The following TOX variants were observed in gnomAD, a reference collection of about 807,000 sequenced individuals.
TOX encodes thymocyte selection-associated high mobility group box protein TOX.
In TOX, 11 loss-of-function variants were observed where a neutral mutation model predicts 53.7. The observed-to-expected ratio is 0.20, with a 90% CI of 0.13 to 0.34. The LOEUF (loss-of-function observed/expected upper bound fraction) is 0.34, where lower values mean the gene tolerates loss of function less well. Ranked by LOEUF, TOX falls within the 10% of genes least tolerant of loss-of-function variation. TOX has a pLI of 1.00. For synonymous variants in TOX, 225 were observed against 245.3 expected (o/e 0.92, Z 0.77); for missense variants, 570 against 664.6 (o/e 0.86, Z 1.56).
intron 3 of TOX, among the ~76,000 whole-genome samples, chr8:58,894,985 T>C (rs1416415886): frequency 2.6e-5 from 4 of 151,826 alleles, no homozygotes; most frequent in Non-Finnish European, 4.4e-5. Flanking sequence ...GTCAGGAGTT[T>C]GAGACCAGCC....
At chr8:58,821,218 T>G (rs1810269677) in intron 6 of TOX, among the ~76,000 whole-genome samples, 1 of 152,134 alleles carries the variant, frequency 6.6e-6, no homozygotes, top group East Asian at 1.9e-4. Flanking sequence ...AAAATTTCCT[T>G]ATATCAAAGT....
chr8:59,030,364 C>T lies in TOX; in HGVS notation c.103-70356G>A, dbSNP rs540931325. Among the ~76,000 whole-genome samples the T allele has an allele frequency of 6.6e-5, 10 of 152,288 alleles. 1 individual carries two copies. The highest frequency in any genetic ancestry group is 1.3e-4 in the Admixed American group (2 of 15,284). ...GTTTGTTAATGTTACTTCTCTTAAGCGCACTGCACAGTTGCTGCTAAAGTA... is the reference window on the plus strand; with the variant it reads ...GTTTGTTAATGTTACTTCTCTTAAGTGCACTGCACAGTTGCTGCTAAAGTA... On this transcript the variant is annotated intron_variant, in intron 1 of 8. Transcript: ENST00000361421.
At chr8:59,079,072 T>C (rs534369374) in intron 1 of TOX, among the ~76,000 whole-genome samples, 1 of 152,242 alleles carries the variant, frequency 6.6e-6, no homozygotes, top group East Asian at 1.9e-4. Context: ...AGCAAAGTGT[T>C]TAAGAGGAAG....
At chr8:59,092,889 G>T (rs1056746402) in intron 1 of TOX, among the ~76,000 whole-genome samples, 1 of 152,186 alleles carries the variant, frequency 6.6e-6, no homozygotes, top group Non-Finnish European at 1.5e-5. Flanking sequence ...GCCTAGAACA[G>T]AGTAAGTGCC....
At chr8:58,937,798 TCTC>T (rs1812371331) in intron 3 of TOX, among the ~76,000 whole-genome samples, 2 of 152,060 alleles carry the variant, frequency 1.3e-5, no homozygotes, top group East Asian at 1.9e-4. Flanking sequence ...GCCCCCTTCT[TCTC>T]CTCTCTAGGG....
rs192429717 is a variant in TOX at position 59,071,935 on chromosome 8, C to T, written c.102+46951G>A. ...TTTTCCCTTTGAGCAGAATGCTACA[C>T]AATATTCTCATAATTTTATCAATTT... On this transcript the variant is annotated intron_variant, in intron 1 of 8. Transcript: ENST00000361421. Among the ~76,000 whole-genome samples, 720 of 152,214 alleles carry T rather than the reference C, an allele frequency of 4.7e-3. 2 individuals are homozygous for T. The highest frequency in any genetic ancestry group is 0.016 in the African/African-American group (666 of 41,530).
chr8:58,870,255 C>G (rs1811175512), intron 3 of TOX, among the ~76,000 whole-genome samples: 1 of 151,864 alleles, frequency 6.6e-6, no homozygotes, highest in Admixed American at 6.6e-5. Context: ...TCCTGTATAC[C>G]AGGAGTGAAA....
intron 2 of TOX, among the ~76,000 whole-genome samples, chr8:58,957,722 A>G (rs1408347804): frequency 1.3e-5 from 2 of 152,256 alleles, no homozygotes; most frequent in Admixed American, 6.5e-5. Flanking sequence ...AACAGGAATT[A>G]TAATTGTTGA....
At chr8:58,955,358 G>A (rs1030344051) in intron 2 of TOX, among the ~76,000 whole-genome samples, 2 of 151,818 alleles carry the variant, frequency 1.3e-5, no homozygotes, top group South Asian at 2.1e-4. Context: ...AACCGTTCAC[G>A]GAAAGAAGAA....
chr8:58,960,720 G>A (rs534276034), intron 1 of TOX, among the ~76,000 whole-genome samples: 3 of 152,128 alleles, frequency 2.0e-5, no homozygotes, highest in Non-Finnish European at 2.9e-5. Context: ...ATTCGCAGGG[G>A]CAGCACAATT....
At chr8:58,942,521 T>C (rs1428397079) in intron 2 of TOX, among the ~76,000 whole-genome samples, 5 of 152,308 alleles carry the variant, frequency 3.3e-5, no homozygotes, top group African/African-American at 1.2e-4. Flanking sequence ...TATTACAGTG[T>C]AATTGATGCC....
intron 4 of TOX, among the ~76,000 whole-genome samples, chr8:58,838,699 C>CTTTT (rs35347981): frequency 0.047 from 4,205 of 88,720 alleles, 809 homozygotes; most frequent in African/African-American, 0.18. Flanking sequence ...TTATCCTTGT[C>CTTTT]TTTTTTTTTT....
At chr8:59,097,300 G>T (rs185189437) in intron 1 of TOX, among the ~76,000 whole-genome samples, 1 of 152,198 alleles carries the variant, frequency 6.6e-6, no homozygotes, top group Admixed American at 6.5e-5. Flanking sequence ...AGTTTCAGAA[G>T]TGTTGGAGTT....
intron 1 of TOX, among the ~76,000 whole-genome samples, chr8:59,105,542 A>T (rs1221716241): frequency 2.0e-5 from 3 of 152,148 alleles, no homozygotes; most frequent in Non-Finnish European, 4.4e-5. Context: ...GATCATCGGT[A>T]CTGCATACTA....
intron 1 of TOX, among the ~76,000 whole-genome samples, chr8:59,050,562 T>C (rs1249466366): frequency 6.6e-6 from 1 of 152,168 alleles, no homozygotes; most frequent in Non-Finnish European, 1.5e-5. Flanking sequence ...ACTAGTTTTA[T>C]TGAACTCTAC....
intron 3 of TOX, among the ~76,000 whole-genome samples, chr8:58,893,375 G>A (rs1811590547): frequency 6.6e-6 from 1 of 152,052 alleles, no homozygotes; most frequent in Admixed American, 6.5e-5. Flanking sequence ...TATTACCCAT[G>A]TGAAATATTA....
At chr8:59,112,457 G>A (rs997672398) in intron 1 of TOX, among the ~76,000 whole-genome samples, 1 of 152,184 alleles carries the variant, frequency 6.6e-6, no homozygotes, top group Admixed American at 6.5e-5. Context: ...ATTCATTAGG[G>A]CATATGTAAG....
chr8:58,815,445 G>T lies in TOX; in HGVS notation c.1285C>A (p.Gln429Lys). The T allele has an allele frequency of 1.2e-6, 2 of 1,614,132 alleles. No homozygotes were observed. The highest frequency in any genetic ancestry group is 8.5e-7 in the Non-Finnish European group (1 of 1,180,028). Residue 429 changes from glutamine (Q) to lysine (K), a missense_variant, in exon 7 of 9, where the codon CAG (glutamine) becomes AAG (lysine). Around this residue, in one of 3 missense-constraint regions of TOX, gnomAD observed 239 missense variants for 250.7 expected, o/e 0.95. Coordinates refer to ENST00000361421, the MANE Select transcript of TOX (RefSeq NM_014729.3). ...TGGTGCTGCTGCATGTTGAGATGCT[G>T]GTGAAGAGGCGGGCTGATCTGGAGG... Reference protein sequence around the residue: ...PPLQISPPLHQHLNMQQHQPL... With the variant: ...PPLQISPPLHKHLNMQQHQPL...
At chr8:59,050,971 T>TG (rs1416617131) in intron 1 of TOX, among the ~76,000 whole-genome samples, 1 of 152,102 alleles carries the variant, frequency 6.6e-6, no homozygotes, top group East Asian at 1.9e-4. Context: ...AGAGGTGCCA[T>TG]GCTAGAAACT....
Sources: gnomAD v4.1 joint callset for allele counts (sites outside exome capture counted in the v4.1 genomes callset) on GRCh38, gnomAD v4.1.1 for gene constraint, gnomAD v4.1.1 regional missense constraint, MANE v1.5 for transcripts, NCBI Gene and HGNC (gene_info 2026-07-23, HGNC 2026-07-21) for gene names.